Variants in LGR6 observed in about 807,000 individuals in gnomAD.
The protein encoded by LGR6 is leucine rich repeat containing G protein-coupled receptor 6.
A neutral mutation model predicts 69.4 loss-of-function variants in LGR6; 45 were observed. The observed-to-expected ratio is 0.65, with a 90% confidence interval of 0.51 to 0.83. LGR6 has a LOEUF of 0.83. LGR6 is among the 40% of genes least tolerant of loss of function. LGR6 has a pLI of 0.00. For synonymous variants in LGR6, 538 were observed against 555.0 expected (o/e 0.97, Z 0.43); for missense variants, 1,108 against 1,246.7 (o/e 0.89, Z 1.68).
At chr1:202,198,551 G>A (rs1185894857) in intron 1 of LGR6, among the ~76,000 whole-genome samples, 1 of 152,184 alleles carries the variant, frequency 6.6e-6, no homozygotes, top group Non-Finnish European at 1.5e-5. Context: ...AGGGAGGGAA[G>A]CAGTCCTGTT....
At chr1:202,249,748 G>A (rs565185124) in intron 4 of LGR6, among the ~76,000 whole-genome samples, 1 of 152,076 alleles carries the variant, frequency 6.6e-6, no homozygotes, top group African/African-American at 2.4e-5. Context: ...GTTCGCTCTG[G>A]AGTAGGTCCT....
chr1:202,306,892 G>A lies in LGR6; in HGVS notation c.1161G>A (p.Trp387Ter). 6.2e-7 allele frequency: 1 copy of A among 1,614,116 alleles called. No individual in the cohort carries two copies. The highest frequency in any genetic ancestry group is 8.5e-7 in the Non-Finnish European group (1 of 1,180,014). ...EEIGLQHNRI[W>*]EIGADTFSQL... ...GCGGCCTCCAACACAACCGCATCTG[G>A]GAAATTGGAGCTGACACCTTCAGCC... The change falls in exon 13 of 18, where the codon TGG becomes TGA. Residue 387 changes from tryptophan to a stop codon, truncating the protein, a stop_gained. Transcript: ENST00000367278. LOFTEE classifies it high-confidence loss of function.
chr1:202,225,329 C>T (rs1558015975), intron 1 of LGR6, 94 bp from the exon 2 acceptor site: 2 of 1,121,900 alleles, frequency 1.8e-6, no homozygotes, highest in Non-Finnish European at 1.4e-6. Context: ...CTGTGGGAGC[C>T]TCGGAGGTCC....
intron 4 of LGR6, among the ~76,000 whole-genome samples, chr1:202,251,017 G>A (rs1475733825): frequency 2.0e-5 from 3 of 152,308 alleles, no homozygotes; most frequent in Middle Eastern, 3.4e-3. Flanking sequence ...GGCCCTGCCC[G>A]CTCTCTGCTG....
chr1:202,287,878 G>C (rs1666511577), intron 6 of LGR6, among the ~76,000 whole-genome samples: 1 of 152,122 alleles, frequency 6.6e-6, no homozygotes, highest in Non-Finnish European at 1.5e-5. Flanking sequence ...TGGTCACTCT[G>C]CTTTCATTCT....
intron 4 of LGR6, among the ~76,000 whole-genome samples, chr1:202,272,733 C>T (rs1665205210): frequency 6.6e-6 from 1 of 152,248 alleles, no homozygotes; most frequent in Admixed American, 6.5e-5. Context: ...CTGTAGGTTA[C>T]ATGTGTGAGC....
chr1:202,218,717 C>T (rs1047262460), intron 1 of LGR6, among the ~76,000 whole-genome samples: 8 of 152,164 alleles, frequency 5.3e-5, no homozygotes, highest in South Asian at 2.1e-4. Context: ...GGGTTGCTCA[C>T]GTCTCATCCA....
At chr1:202,304,478 C>T (rs1025159221) in intron 10 of LGR6, 81 bp from the exon 11 acceptor site, 36 of 954,492 alleles carry the variant, frequency 3.8e-5, no homozygotes, top group African/African-American at 1.6e-4. Context: ...ACGACAGTAT[C>T]AGGTCCAGAG....
At chr1:202,302,783 G>T (rs1667702226) in intron 9 of LGR6, among the ~76,000 whole-genome samples, 1 of 152,078 alleles carries the variant, frequency 6.6e-6, no homozygotes, top group South Asian at 2.1e-4. Flanking sequence ...CTGACCTCAG[G>T]TGATCCGCCC....
At chr1:202,311,084 G>T (rs574282886) in intron 16 of LGR6, among the ~76,000 whole-genome samples, 1 of 152,040 alleles carries the variant, frequency 6.6e-6, no homozygotes, top group African/African-American at 2.4e-5. Flanking sequence ...AGATAAAAGG[G>T]CTTCCCTCTC....
intron 7 of LGR6, chr1:202,298,524 C>CTTTTTTTTTTTTT (rs138106370): frequency 6.9e-6 from 1 of 145,314 alleles, no homozygotes; most frequent in Non-Finnish European, 1.5e-5. Flanking sequence ...AGCTTAGTAT[C>CTTTTTTTTTTTTT]TATTTTTTTT....
Position 202,193,832 on chromosome 1 carries a change from G to T in LGR6, c.-158G>T, listed in dbSNP as rs942131931. 9.5e-6 allele frequency: 3 copies of T among 316,790 alleles called. No individual in the cohort carries two copies. The highest frequency in any genetic ancestry group is 2.2e-5 in the African/African-American group (1 of 45,472). 19.6% of individuals were successfully genotyped at this position (316,790 alleles called of 1,614,324 possible). On this transcript the variant is annotated 5_prime_UTR_variant, in exon 1 of 18. Coordinates refer to ENST00000367278, the MANE Select transcript of LGR6 (RefSeq NM_001017403.2). ...ATGCCTGCCCCTCTCTGACTGCACCGTCCCGGCGCTCCCACCGCCGCCGCC... is the reference window on the plus strand; with the variant it reads ...ATGCCTGCCCCTCTCTGACTGCACCTTCCCGGCGCTCCCACCGCCGCCGCC...
At chr1:202,262,793 A>G (rs1356600730) in intron 4 of LGR6, among the ~76,000 whole-genome samples, 1 of 151,960 alleles carries the variant, frequency 6.6e-6, no homozygotes, top group Non-Finnish European at 1.5e-5. Flanking sequence ...CCCCATTGCT[A>G]ATTCAGTTTT....
rs146717371 is a variant in LGR6 at position 202,319,104 on chromosome 1, G to C, written c.2801G>C (p.Gly934Ala). ...HFGNPQPSMDGELLLRAEGST... is the reference protein window; with the variant it reads ...HFGNPQPSMDAELLLRAEGST... ...GGGAACCCCCAACCCTCCATGGATG[G>C]AGAACTGCTGCTGAGGGCAGAGGGA... Residue 934 changes from glycine (G) to alanine (A), a missense_variant, in exon 18 of 18, where the codon GGA becomes GCA. Transcript: ENST00000367278. 6.2e-7 allele frequency: 1 copy of C among 1,614,108 alleles called. No individual in the cohort carries two copies. Among genetic ancestry groups the C allele is most frequent in the African/African-American group, 1.3e-5 (1 of 74,950 alleles).
intron 4 of LGR6, among the ~76,000 whole-genome samples, chr1:202,273,958 T>G (rs1217739294): frequency 6.6e-6 from 1 of 152,220 alleles, no homozygotes; most frequent in East Asian, 1.9e-4. Flanking sequence ...CTTAGGTATC[T>G]GTCTGTGGTC....
rs369268320 is a variant in LGR6, at chr1:202,266,799, C to T, written c.429-9507C>T. Among the ~76,000 whole-genome samples the T allele has an allele frequency of 3.3e-5, 5 of 152,220 alleles. No homozygotes were observed. The East Asian group carries it at 9.7e-4, about 29-fold the overall frequency. ...TCTTTACTCCTTCTAGGAAGTTTGT[C>T]CTACCTCCGTGGCTGAAGGTTCCAC... On this transcript the variant is annotated intron_variant, in intron 4 of 17. Coordinates refer to ENST00000367278, the MANE Select transcript of LGR6 (RefSeq NM_001017403.2).
chr1:202,280,037 C>T (rs1665882483), intron 5 of LGR6, among the ~76,000 whole-genome samples: 2 of 152,218 alleles, frequency 1.3e-5, no homozygotes, highest in African/African-American at 4.8e-5. Flanking sequence ...AGGCTTAAAA[C>T]TTTGCCTGTC....
Position 202,274,200 on chromosome 1 carries a change from C to T in LGR6, c.429-2106C>T, listed in dbSNP as rs571370787. The stretch of plus-strand genomic sequence containing the variant: ...AGCTTACTGGTGTGCTTGGTCAGGC[C>T]ATCAGTTTGAGGCTTGGAAGCAGAG... On this transcript the variant is annotated intron_variant, in intron 4 of 17. Coordinates refer to ENST00000367278, the MANE Select transcript of LGR6 (RefSeq NM_001017403.2). 8.5e-5 allele frequency among the ~76,000 whole-genome samples: 13 copies of T among 152,290 alleles called. No homozygotes were observed. In the South Asian group the frequency reaches 2.7e-3, roughly 32 times the overall value.
chr1:202,292,830 T>A (rs1431693265), intron 6 of LGR6, among the ~76,000 whole-genome samples: 1 of 152,248 alleles, frequency 6.6e-6, no homozygotes, highest in Admixed American at 6.5e-5. Flanking sequence ...GAGCCAAATC[T>A]TACATTTTAT....
Sources: gnomAD v4.1 joint callset for allele counts (sites outside exome capture counted in the v4.1 genomes callset) on GRCh38, gnomAD v4.1.1 for gene constraint, MANE v1.5 for transcripts, NCBI Gene and HGNC (gene_info 2026-07-23, HGNC 2026-07-21) for gene names.